The following CADPS variants were observed in gnomAD, a reference collection of about 807,000 sequenced individuals.
CADPS encodes the protein calcium dependent secretion activator.
Under a neutral mutation model 167.3 loss-of-function variants are expected in CADPS, and 57 were observed. The observed-to-expected ratio is 0.34, with a 90% CI of 0.28 to 0.42. The LOEUF is 0.42. CADPS is among the 20% of genes least tolerant of loss of function. The pLI, the probability that CADPS is intolerant of heterozygous loss-of-function variation, is 1.00. For missense variants in CADPS, 1,414 were observed against 1,738.1 expected (o/e 0.81, Z 3.32); for synonymous variants, 676 against 635.3 (o/e 1.06, Z -0.96).
At chr3:62,861,220 T>C (rs1272933947) in intron 1 of CADPS, among the ~76,000 whole-genome samples, 1 of 152,204 alleles carries the variant, frequency 6.6e-6, no homozygotes, top group Non-Finnish European at 1.5e-5. Context: ...TTTGTCCAAG[T>C]GTCATTATGT....
Position 62,875,030 on chromosome 3 carries a change from A to G in CADPS, c.-1T>C. On this transcript the variant is annotated 5_prime_UTR_variant, in exon 1 of 30. Coordinates refer to ENST00000383710, the MANE Select transcript of CADPS (RefSeq NM_003716.4). ...CTTCGCTGGACGAAGGGTCCAGCAT[A>G]GTGGCGCCTGGGGAGCGGGGTCTCT... 2 of 1,580,744 alleles carry G rather than the reference A, an allele frequency of 1.3e-6. No homozygotes were observed. The highest frequency in any genetic ancestry group is 1.4e-5 in the African/African-American group (1 of 72,056).
intron 3 of CADPS, among the ~76,000 whole-genome samples, chr3:62,683,349 C>G (rs1353915695): frequency 2.0e-5 from 3 of 151,906 alleles, no homozygotes. Flanking sequence ...GTGGCCAAAC[C>G]GACTAAATAT....
intron 3 of CADPS, among the ~76,000 whole-genome samples, chr3:62,719,721 C>T (rs917285902): frequency 1.3e-5 from 2 of 152,206 alleles, no homozygotes; most frequent in Admixed American, 1.3e-4. Flanking sequence ...AGGAAAGGCT[C>T]ATCCTACCAT....
intron 28 of CADPS, among the ~76,000 whole-genome samples, chr3:62,415,140 G>A (rs928732679): frequency 9.0e-5 from 13 of 144,926 alleles, no homozygotes; most frequent in Admixed American, 8.4e-4. Context: ...GCACACGTAC[G>A]ACATCCAACA....
chr3:62,772,661 C>T (rs1295223868), intron 1 of CADPS, among the ~76,000 whole-genome samples: 2 of 152,142 alleles, frequency 1.3e-5, no homozygotes, highest in African/African-American at 2.4e-5. Context: ...TATGTTTTCT[C>T]TTACTGGCAG....
rs1416119134 is a variant in CADPS at position 62,641,113 on chromosome 3, TA to T, written c.1325+4608del. Among the ~76,000 whole-genome samples, 4 of 152,306 alleles carry T rather than the reference TA, an allele frequency of 2.6e-5. No individual in the cohort carries two copies. The East Asian group carries it at 7.7e-4, about 29-fold the overall frequency. ...CTTTTTAAATGTTAATGTATTTCTTTAAAAAGGAAATCTTATGTCATTGCTA... is the reference window on the plus strand; with the variant it reads ...CTTTTTAAATGTTAATGTATTTCTTTAAAAGGAAATCTTATGTCATTGCTA... On this transcript the variant is annotated intron_variant, in intron 6 of 29. Transcript: ENST00000383710.
chr3:62,694,088 T>C (rs1409009868), intron 3 of CADPS, among the ~76,000 whole-genome samples: 1 of 152,072 alleles, frequency 6.6e-6, no homozygotes, highest in Non-Finnish European at 1.5e-5. Context: ...GTGGCAGGGA[T>C]AGAAGCTACA....
chr3:62,747,921 G>A (rs2152367948), intron 3 of CADPS, among the ~76,000 whole-genome samples: 1 of 152,162 alleles, frequency 6.6e-6, no homozygotes. Flanking sequence ...TTTTCAAAGA[G>A]CAGAATGGAA....
rs2074459992 is a variant in CADPS, at chr3:62,666,627, G to A, written c.889-4233C>T. Among the ~76,000 whole-genome samples, 3 of 152,148 alleles carry A rather than the reference G, an allele frequency of 2.0e-5. No individual in the cohort carries two copies. In the South Asian group the frequency reaches 6.2e-4, roughly 32 times the overall value. On this transcript the variant is annotated intron_variant, in intron 3 of 29. Coordinates refer to ENST00000383710, the MANE Select transcript of CADPS (RefSeq NM_003716.4). ...AGAAGAGGTCAAGCAGAGGCTGTGT[G>A]GTTGTTTTGACTTGTCAGTCAAGTA... is the stretch of plus-strand genomic sequence containing the variant.
rs1228214841 is a variant in CADPS at position 62,679,926 on chromosome 3, T to G, written c.889-17532A>C. 3.3e-5 allele frequency among the ~76,000 whole-genome samples: 5 copies of G among 152,058 alleles called. No homozygotes were observed. The East Asian group carries it at 9.7e-4, about 29-fold the overall frequency. On this transcript the variant is annotated intron_variant, in intron 3 of 29. Transcript: ENST00000383710. The stretch of plus-strand genomic sequence containing the variant: ...AAGCTGTGTCATATTTGTCCTCCAC[T>G]GGATGCAGAATCATTGATAAATTAA...
intron 1 of CADPS, among the ~76,000 whole-genome samples, chr3:62,831,207 A>G (rs764412111): frequency 3.3e-5 from 5 of 152,210 alleles, no homozygotes; most frequent in African/African-American, 1.2e-4. Context: ...TTGCTGTGCA[A>G]CACTTTACAT....
chr3:62,570,396 A>T (rs2081070648), intron 9 of CADPS, among the ~76,000 whole-genome samples: 1 of 152,212 alleles, frequency 6.6e-6, no homozygotes, highest in Admixed American at 6.5e-5. Flanking sequence ...AATAAAATAG[A>T]GGCAAAAAGT....
At chr3:62,744,875 C>T (rs2081117266) in intron 3 of CADPS, among the ~76,000 whole-genome samples, 1 of 152,184 alleles carries the variant, frequency 6.6e-6, no homozygotes, top group Non-Finnish European at 1.5e-5. Context: ...CTTTCCATTG[C>T]TGTTAGCATC....
At chr3:62,470,824 C>T (rs1438173338) in intron 24 of CADPS, 1 of 149,600 alleles carries the variant, frequency 6.7e-6, no homozygotes, top group Non-Finnish European at 1.5e-5. Flanking sequence ...GATATTCAGT[C>T]TAGATGTGTG....
At chr3:62,827,118 G>A (rs1227936052) in intron 1 of CADPS, among the ~76,000 whole-genome samples, 2 of 152,164 alleles carry the variant, frequency 1.3e-5, no homozygotes, top group East Asian at 1.9e-4. Context: ...GTACTGCAGA[G>A]GGTGTGGGGG....
rs759798322 is a variant in CADPS at position 62,481,892 on chromosome 3, G to GA, written c.3027-24dup. 2.3e-5 allele frequency: 36 copies of GA among 1,596,652 alleles called. No individual in the cohort carries two copies. In the South Asian group the frequency reaches 3.8e-4, roughly 17 times the overall value. The stretch of plus-strand genomic sequence containing the variant: ...CTCCTGTGGAAGAAACAGACAGAAA[G>GA]AAAAAATACCATCACAGTGACAATG... On this transcript the variant is annotated intron_variant, in intron 21 of 29. Coordinates refer to ENST00000383710, the MANE Select transcript of CADPS (RefSeq NM_003716.4).
intron 1 of CADPS, among the ~76,000 whole-genome samples, chr3:62,828,622 T>A: frequency 6.6e-6 from 1 of 152,176 alleles, no homozygotes; most frequent in Admixed American, 6.5e-5. Context: ...TTTAATTATA[T>A]ATTCACAGTT....
Position 62,527,802 on chromosome 3 carries a change from T to C in CADPS, c.2291+5069A>G, listed in dbSNP as rs966813230. ...CTAATCCGAATCTGGTTGTGAGATC[T>C]CAGTGGAAATGGGCTCTATTCAGTT... On this transcript the variant is annotated intron_variant, in intron 13 of 29. Transcript: ENST00000383710. Among the ~76,000 whole-genome samples, 10 of 152,240 alleles carry C rather than the reference T, an allele frequency of 6.6e-5. No individual in the cohort carries two copies. In the East Asian group the frequency reaches 1.4e-3, roughly 21 times the overall value.
chr3:62,866,716 T>A lies in CADPS; in HGVS notation c.441+7873A>T, dbSNP rs2081765686. 2.0e-5 allele frequency among the ~76,000 whole-genome samples: 3 copies of A among 151,844 alleles called. No individual in the cohort carries two copies. The South Asian group carries it at 6.2e-4, about 32-fold the overall frequency. ...TGTAGTCTGAAATACTGTGGAGGAGTTTGGTGAACTAAAATGCAAGAATAC... is the reference window on the plus strand; with the variant it reads ...TGTAGTCTGAAATACTGTGGAGGAGATTGGTGAACTAAAATGCAAGAATAC... On this transcript the variant is annotated intron_variant, in intron 1 of 29. Transcript: ENST00000383710.
Sources: allele counts gnomAD v4.1 joint callset (sites outside exome capture counted in the v4.1 genomes callset), GRCh38; gene constraint gnomAD v4.1.1; transcripts MANE v1.5; gene names NCBI Gene and HGNC (gene_info 2026-07-23, HGNC 2026-07-21).